MTPN: variants seen among roughly 807,000 people sequenced by gnomAD.
MTPN encodes granule cell differentiation protein.
MTPN carries 2 observed loss-of-function variants against 13.5 expected under a neutral mutation model. The ratio of observed to expected loss-of-function variants is 0.15; its 90% CI spans 0.06 to 0.47. MTPN has a LOEUF of 0.47. MTPN is among the 20% of genes least tolerant of loss of function. The probability of loss-of-function intolerance (pLI) is 0.97; values close to 1 mark genes in which losing one functional copy is unlikely to be tolerated. For synonymous variants in MTPN, 46 were observed against 51.7 expected (o/e 0.89, Z 0.48); for missense variants, 79 against 137.9 (o/e 0.57, Z 2.14).
Position 135,928,664 on chromosome 7 carries a change from G to A in MTPN, c.*1262C>T, listed in dbSNP as rs532237862. 37 of 166,890 alleles carry A rather than the reference G, an allele frequency of 2.2e-4. No homozygotes were observed. In the South Asian group the frequency reaches 4.4e-3, roughly 20 times the overall value. The allele number at this position is 166,890 out of a possible 1,614,324, so 10.3% of individuals were successfully genotyped here. On this transcript the variant is annotated 3_prime_UTR_variant, in exon 4 of 4. Coordinates refer to ENST00000393085, the MANE Select transcript of MTPN (RefSeq NM_145808.4). ...TGTACTGCTCATGAAATAAATATTT[G>A]GAAATATGTGTAAATATTTTCTGCA...
At chr7:135,965,488 T>C (rs1799591143) in intron 1 of MTPN, among the ~76,000 whole-genome samples, 1 of 152,152 alleles carries the variant, frequency 6.6e-6, no homozygotes, top group Non-Finnish European at 1.5e-5. Context: ...GCTTTTATAT[T>C]GTTATAAGTA....
chr7:135,966,630 G>C (rs1354941834), intron 1 of MTPN, among the ~76,000 whole-genome samples: 1 of 152,114 alleles, frequency 6.6e-6, no homozygotes, highest in Non-Finnish European at 1.5e-5. Context: ...GATGCTACAA[G>C]TGGCACATAA....
intron 3 of MTPN, among the ~76,000 whole-genome samples, chr7:135,930,472 C>T (rs960565853): frequency 6.6e-6 from 1 of 152,100 alleles, no homozygotes; most frequent in Non-Finnish European, 1.5e-5. Flanking sequence ...ATACTGTATT[C>T]GTCATTTTAC....
chr7:135,951,451 A>G (rs56274004), intron 2 of MTPN, 66 bp downstream of exon 2: 65,083 of 867,758 alleles, frequency 0.075, 2,711 homozygotes, highest in South Asian at 0.14. Flanking sequence ...TATAATCTAT[A>G]GAAAACAATT....
At chr7:135,976,610 T>A (rs1487469903) in intron 1 of MTPN, among the ~76,000 whole-genome samples, 1 of 152,226 alleles carries the variant, frequency 6.6e-6, no homozygotes. Flanking sequence ...CCTCTGATCC[T>A]AATTACTTAG....
intron 1 of MTPN, among the ~76,000 whole-genome samples, chr7:135,957,425 C>T (rs1280439288): frequency 6.6e-6 from 1 of 152,006 alleles, no homozygotes; most frequent in Non-Finnish European, 1.5e-5. Context: ...CTTAAGATTA[C>T]ATTCTGGCAA....
Position 135,927,271 on chromosome 7 carries a change from G to T in MTPN, c.*2655C>A, listed in dbSNP as rs563350626. On this transcript the variant is annotated 3_prime_UTR_variant, in exon 4 of 4. Transcript: ENST00000393085. ...ACTACCTCTCTTCCATGCTTAACTGGGTTTAGAAAGGTGAGCTATGCGTAG... is the reference window on the plus strand; with the variant it reads ...ACTACCTCTCTTCCATGCTTAACTGTGTTTAGAAAGGTGAGCTATGCGTAG... The T allele has an allele frequency of 7.8e-6, 12 of 1,541,212 alleles. 1 individual carries two copies. In the South Asian group the frequency reaches 1.5e-4, roughly 19 times the overall value.
At chr7:135,957,314 G>C (rs1584815030) in intron 1 of MTPN, among the ~76,000 whole-genome samples, 1 of 152,076 alleles carries the variant, frequency 6.6e-6, no homozygotes, top group African/African-American at 2.4e-5. Flanking sequence ...TTTAGGATGG[G>C]TTGACTTCTG....
intron 1 of MTPN, among the ~76,000 whole-genome samples, chr7:135,969,267 A>T (rs1799656817): frequency 6.6e-6 from 1 of 150,862 alleles, no homozygotes; most frequent in African/African-American, 2.4e-5. Flanking sequence ...AAAAAAAAGA[A>T]TGTCAGAAAT....
intron 1 of MTPN, among the ~76,000 whole-genome samples, chr7:135,969,617 G>C (rs1355301854): frequency 1.3e-5 from 2 of 151,946 alleles, no homozygotes; most frequent in African/African-American, 2.4e-5. Flanking sequence ...TTCCAGAAGA[G>C]CAAATTTATT....
chr7:135,955,549 G>A (rs1179985040), intron 1 of MTPN, among the ~76,000 whole-genome samples: 1 of 152,156 alleles, frequency 6.6e-6, no homozygotes, highest in South Asian at 2.1e-4. Context: ...AAATGGAAGC[G>A]ATGGGATGTT....
At chr7:135,952,347 A>C (rs67158267) in intron 1 of MTPN, among the ~76,000 whole-genome samples, 10,855 of 152,234 alleles carry the variant, frequency 0.071, 455 homozygotes, top group African/African-American at 0.1. Context: ...ACTTAAGTCC[A>C]AAAAAGTCAT....
At chr7:135,943,123 A>G (rs2058539710) in intron 3 of MTPN, among the ~76,000 whole-genome samples, 1 of 152,202 alleles carries the variant, frequency 6.6e-6, no homozygotes, top group Admixed American at 6.5e-5. Flanking sequence ...AACTTTTTTG[A>G]AACCCAACTT....
intron 3 of MTPN, among the ~76,000 whole-genome samples, chr7:135,938,332 T>C (rs1799148916): frequency 6.6e-6 from 1 of 152,150 alleles, no homozygotes; most frequent in Non-Finnish European, 1.5e-5. Flanking sequence ...TTCAGAAAAT[T>C]TTCTTTAGCA....
chr7:135,930,301 T>G (rs1798998810), intron 3 of MTPN, among the ~76,000 whole-genome samples: 1 of 152,220 alleles, frequency 6.6e-6, no homozygotes, highest in Non-Finnish European at 1.5e-5. Flanking sequence ...GCAAGTTAGA[T>G]ATATTTATCT....
At chr7:135,976,920 T>A (rs1799782777) in intron 1 of MTPN, 109 bp downstream of exon 1, 1 of 829,016 alleles carries the variant, frequency 1.2e-6, no homozygotes, top group African/African-American at 1.7e-5. Flanking sequence ...ACCCAGGAAG[T>A]CTCTCCTCCC....
intron 3 of MTPN, among the ~76,000 whole-genome samples, chr7:135,941,976 C>T (rs993261590): frequency 4.6e-5 from 7 of 151,482 alleles, no homozygotes; most frequent in Non-Finnish European, 1.0e-4. Context: ...CTCCACCTCC[C>T]GGGTTCAAGC....
chr7:135,937,464 C>G (rs1353792002), intron 3 of MTPN, among the ~76,000 whole-genome samples: 4 of 152,114 alleles, frequency 2.6e-5, no homozygotes, highest in Non-Finnish European at 5.9e-5. Context: ...AGTCATCCCT[C>G]TGTGTGTGAG....
intron 3 of MTPN, among the ~76,000 whole-genome samples, chr7:135,946,561 C>G (rs918506225): frequency 2.0e-5 from 3 of 152,142 alleles, no homozygotes; most frequent in Non-Finnish European, 2.9e-5. Context: ...TTGTCTATGG[C>G]AATGTTACAT....
Sources: gnomAD v4.1 joint callset for allele counts (sites outside exome capture counted in the v4.1 genomes callset) on GRCh38, gnomAD v4.1.1 for gene constraint, MANE v1.5 for transcripts, NCBI Gene and HGNC (gene_info 2026-07-23, HGNC 2026-07-21) for gene names.